The following RBFOX1 variants were observed in gnomAD, a reference collection of about 807,000 sequenced individuals.
The protein encoded by RBFOX1 is RNA binding protein fox-1 homolog 1.
In RBFOX1, 8 loss-of-function variants were observed where a neutral mutation model predicts 57.7. That is an observed-to-expected ratio of 0.14 (90% CI 0.08 to 0.25). The LOEUF (loss-of-function observed/expected upper bound fraction) is 0.25. RBFOX1 is among the 10% of genes least tolerant of loss of function. The pLI is 1.00. For missense variants in RBFOX1, 611 were observed against 548.5 expected, an observed-to-expected ratio of 1.11 and a Z score of -1.14; for synonymous variants, 326 against 222.4, an observed-to-expected ratio of 1.47 and a Z score of -4.15.
intron 3 of RBFOX1, among the ~76,000 whole-genome samples, chr16:7,024,928 C>T (rs2040440760): frequency 6.6e-6 from 1 of 152,102 alleles, no homozygotes; most frequent in Non-Finnish European, 1.5e-5. Flanking sequence ...GAGGAGGACA[C>T]TGAGGCCCAG....
intron 2 of RBFOX1, among the ~76,000 whole-genome samples, chr16:5,497,055 C>G (rs996476080): frequency 6.6e-6 from 1 of 152,032 alleles, no homozygotes. Flanking sequence ...CTTTCACAAT[C>G]GTTTTTTATC....
chr16:6,036,172 T>G, intron 1 of RBFOX1, among the ~76,000 whole-genome samples: 1 of 152,100 alleles, frequency 6.6e-6, no homozygotes, highest in East Asian at 1.9e-4. Context: ...CAAAGAACAT[T>G]GAGAAGCTGC....
At chr16:7,566,268 C>G (rs1023442741) in intron 5 of RBFOX1, among the ~76,000 whole-genome samples, 2 of 152,132 alleles carry the variant, frequency 1.3e-5, no homozygotes, top group Non-Finnish European at 2.9e-5. Flanking sequence ...CTTTTGATTG[C>G]TTTTTAATTG....
At chr16:6,424,740 T>A (rs532020864) in intron 2 of RBFOX1, among the ~76,000 whole-genome samples, 1 of 152,244 alleles carries the variant, frequency 6.6e-6, no homozygotes, top group Non-Finnish European at 1.5e-5. Flanking sequence ...ACTATAGGGA[T>A]GTGGAAAGAC....
rs377284194 is a variant in RBFOX1 at position 6,486,660 on chromosome 16, T to TA, written c.-63-167943_-63-167942insA. 5.7e-3 allele frequency among the ~76,000 whole-genome samples: 536 copies of TA among 94,838 alleles called. 2 individuals carry two copies. Among genetic ancestry groups the TA allele is most frequent in the Non-Finnish European group, 9.5e-3 (416 of 43,754 alleles). 62.2% of individuals were successfully genotyped at this position (94,838 alleles called of 152,430 possible). A position where few individuals can be genotyped will look rare whatever the true frequency, so the allele number is the denominator to read the frequency against. ...AAAGCTTGAACCCTTAATTTTATTATTTTTTTTTTTGGCATTTTAGACTTT... is the reference window on the plus strand; with the variant it reads ...AAAGCTTGAACCCTTAATTTTATTATATTTTTTTTTTGGCATTTTAGACTTT... On this transcript the variant is annotated intron_variant, in intron 2 of 15. Transcript: ENST00000550418.
chr16:6,244,080 T>C (rs1322048776), intron 1 of RBFOX1, among the ~76,000 whole-genome samples: 1 of 152,164 alleles, frequency 6.6e-6, no homozygotes. Context: ...CCATATATCT[T>C]GCCATCTTTA....
At chr16:6,611,278 C>T (rs2098047312) in intron 2 of RBFOX1, among the ~76,000 whole-genome samples, 1 of 152,172 alleles carries the variant, frequency 6.6e-6, no homozygotes, top group Non-Finnish European at 1.5e-5. Flanking sequence ...TCCCAAATAG[C>T]TGAGAATACA....
chr16:5,938,373 T>G (rs2059209580), intron 4 of RBFOX1, among the ~76,000 whole-genome samples: 1 of 152,184 alleles, frequency 6.6e-6, no homozygotes, highest in Non-Finnish European at 1.5e-5. Context: ...CCTATTTCAG[T>G]GCACATTCTC....
intron 5 of RBFOX1, among the ~76,000 whole-genome samples, chr16:7,561,128 A>C (rs2090240071): frequency 6.6e-6 from 1 of 152,210 alleles, no homozygotes; most frequent in Non-Finnish European, 1.5e-5. Flanking sequence ...AACAGTGTAG[A>C]CACAGAGTAT....
chr16:7,489,073 T>G (rs886352693), intron 4 of RBFOX1, among the ~76,000 whole-genome samples: 1 of 152,204 alleles, frequency 6.6e-6, no homozygotes, highest in African/African-American at 2.4e-5. Context: ...AGCGTGTCTG[T>G]CTCCCCATGT....
At chr16:7,096,579 C>T (rs2061731307) in intron 4 of RBFOX1, among the ~76,000 whole-genome samples, 1 of 152,106 alleles carries the variant, frequency 6.6e-6, no homozygotes, top group African/African-American at 2.4e-5. Flanking sequence ...TGATACTCAA[C>T]ATCCAACCCT....
intron 3 of RBFOX1, among the ~76,000 whole-genome samples, chr16:5,865,652 A>G (rs2057327761): frequency 6.6e-6 from 1 of 152,204 alleles, no homozygotes; most frequent in Non-Finnish European, 1.5e-5. Context: ...TCAGGAAGTC[A>G]TTCGTTCTTA....
At chr16:7,258,607 A>G (rs972423083) in intron 4 of RBFOX1, among the ~76,000 whole-genome samples, 6 of 152,208 alleles carry the variant, frequency 3.9e-5, no homozygotes, top group African/African-American at 1.4e-4. Context: ...AGAGATCTAT[A>G]TATCATATAA....
chr16:7,584,929 T>C (rs1271608544), intron 6 of RBFOX1, among the ~76,000 whole-genome samples: 1 of 152,186 alleles, frequency 6.6e-6, no homozygotes, highest in East Asian at 1.9e-4. Context: ...GCTGATGTCA[T>C]TGTTTCATTT....
intron 1 of RBFOX1, among the ~76,000 whole-genome samples, chr16:6,306,685 A>C (rs538010534): frequency 1.2e-4 from 19 of 152,278 alleles, no homozygotes; most frequent in African/African-American, 3.4e-4. Flanking sequence ...TCATCTCCCA[A>C]ACAATTTTGT....
intron 3 of RBFOX1, among the ~76,000 whole-genome samples, chr16:6,798,947 A>G (rs1293807892): frequency 6.6e-6 from 1 of 152,170 alleles, no homozygotes; most frequent in Non-Finnish European, 1.5e-5. Flanking sequence ...TTCTCTTCAA[A>G]TGGCTACTTG....
intron 4 of RBFOX1, among the ~76,000 whole-genome samples, chr16:5,940,427 C>A (rs1282964453): frequency 6.6e-6 from 1 of 152,136 alleles, no homozygotes; most frequent in Non-Finnish European, 1.5e-5. Flanking sequence ...GGAATCTAGG[C>A]ACTGAGAATT....
chr16:6,907,218 A>G (rs916726448), intron 3 of RBFOX1, among the ~76,000 whole-genome samples: 2 of 152,114 alleles, frequency 1.3e-5, no homozygotes, highest in African/African-American at 4.8e-5. Context: ...GGATGTTGTT[A>G]AATATCCTAC....
At chr16:6,867,722 A>G (rs1385908486) in intron 3 of RBFOX1, among the ~76,000 whole-genome samples, 1 of 152,160 alleles carries the variant, frequency 6.6e-6, no homozygotes, top group Non-Finnish European at 1.5e-5. Context: ...GACAAAAAGA[A>G]AGGGATCCAA....
Sources: allele counts gnomAD v4.1 joint callset (sites outside exome capture counted in the v4.1 genomes callset), GRCh38; gene constraint gnomAD v4.1.1; transcripts MANE v1.5; gene names NCBI Gene and HGNC (gene_info 2026-07-23, HGNC 2026-07-21).